The following DLGAP2 variants were observed in gnomAD, a reference collection of about 807,000 sequenced individuals.
DLGAP2 encodes DLG associated protein 2.
Under a neutral mutation model 100.3 loss-of-function variants are expected in DLGAP2, and 26 were observed. That is an observed-to-expected ratio of 0.26 (90% confidence interval 0.19 to 0.36). The LOEUF (loss-of-function observed/expected upper bound fraction) is 0.36. DLGAP2 is among the 10% of genes least tolerant of loss of function. The pLI, the probability that DLGAP2 is intolerant of heterozygous loss-of-function variation, is 1.00. For synonymous variants in DLGAP2, 886 were observed against 630.1 expected, an observed-to-expected ratio of 1.41 and a Z score of -6.08; for missense variants, 1,858 against 1,453.2, an observed-to-expected ratio of 1.28 and a Z score of -4.53.
chr8:1,662,759 A>C (rs1798437560), intron 8 of DLGAP2, among the ~76,000 whole-genome samples: 1 of 152,244 alleles, frequency 6.6e-6, no homozygotes, highest in Non-Finnish European at 1.5e-5. Context: ...AGTGCCTGGC[A>C]CATGTGTGAG....
chr8:1,115,603 G>T (rs571382617), intron 2 of DLGAP2, among the ~76,000 whole-genome samples: 1 of 152,146 alleles, frequency 6.6e-6, no homozygotes, highest in Non-Finnish European at 1.5e-5. Context: ...TACAGTGGTG[G>T]CATCTTTAGG....
In DLGAP2 at chr8:1,201,776, G is replaced by T. The variant is rs149231071; in HGVS notation, c.74-57075G>T. On this transcript the variant is annotated intron_variant, in intron 2 of 14. Coordinates refer to ENST00000637795, the MANE Select transcript of DLGAP2 (RefSeq NM_001346810.2). ...CTGTGCCCTCCCTCATCACCAGGCAGCATCCGCAGACACACAGCGGTGCCT... is the reference window on the plus strand; with the variant it reads ...CTGTGCCCTCCCTCATCACCAGGCATCATCCGCAGACACACAGCGGTGCCT... Among the ~76,000 whole-genome samples, 542 of 152,346 alleles carry T rather than the reference G, an allele frequency of 3.6e-3. 10 individuals carry two copies. Among genetic ancestry groups the T allele is most frequent in the South Asian group, 0.024 (117 of 4,826 alleles).
rs1308782929 is a variant in DLGAP2 at position 1,693,189 on chromosome 8, G to GTATA, written c.2796+1568_2796+1571dup. 2.0e-5 allele frequency among the ~76,000 whole-genome samples: 3 copies of GTATA among 146,748 alleles called. No individual in the cohort carries two copies. The South Asian group carries it at 6.3e-4, about 31-fold the overall frequency. ...CATATTTTATATATACAAATATATA[G>GTATA]TATATATAAAATATATAGTATGTGT... On this transcript the variant is annotated intron_variant, in intron 13 of 14. Transcript: ENST00000637795.
intron 8 of DLGAP2, among the ~76,000 whole-genome samples, chr8:1,657,349 C>T (rs1324165906): frequency 6.6e-6 from 1 of 152,186 alleles, no homozygotes; most frequent in Non-Finnish European, 1.5e-5. Context: ...GATAACACAG[C>T]CTATAGCTCA....
At chr8:1,122,238 T>A (rs1384080642) in intron 2 of DLGAP2, among the ~76,000 whole-genome samples, 1 of 152,228 alleles carries the variant, frequency 6.6e-6, no homozygotes, top group Non-Finnish European at 1.5e-5. Context: ...TGGGTGACCC[T>A]GTTTCTCCTC....
chr8:1,486,110 G>C (rs1380018137), intron 3 of DLGAP2, among the ~76,000 whole-genome samples: 6 of 152,186 alleles, frequency 3.9e-5, no homozygotes, highest in Non-Finnish European at 1.5e-5. Context: ...GCTCTGCCAA[G>C]ATGCTGCATG....
At chr8:1,599,817 C>T (rs1486113809) in intron 6 of DLGAP2, among the ~76,000 whole-genome samples, 3 of 152,138 alleles carry the variant, frequency 2.0e-5, no homozygotes, top group Non-Finnish European at 4.4e-5. Flanking sequence ...TGGGCCTTGA[C>T]TGTATCCAAT....
intron 2 of DLGAP2, among the ~76,000 whole-genome samples, chr8:1,133,330 A>G (rs1796337171): frequency 6.6e-6 from 1 of 152,194 alleles, no homozygotes; most frequent in African/African-American, 2.4e-5. Context: ...GAAGATTATG[A>G]TTAGAAAATC....
At chr8:1,498,851 A>C (rs1799623424) in intron 3 of DLGAP2, among the ~76,000 whole-genome samples, 1 of 152,212 alleles carries the variant, frequency 6.6e-6, no homozygotes, top group Admixed American at 6.5e-5. Flanking sequence ...TAGATAAGGA[A>C]GGATGGTACC....
intron 3 of DLGAP2, among the ~76,000 whole-genome samples, chr8:1,416,966 C>T (rs1454404308): frequency 6.6e-6 from 1 of 152,130 alleles, no homozygotes; most frequent in African/African-American, 2.4e-5. Context: ...CAGCTCAGTG[C>T]GGCTGTGGCA....
At chr8:1,694,985 G>T (rs1799345697) in intron 13 of DLGAP2, among the ~76,000 whole-genome samples, 1 of 152,312 alleles carries the variant, frequency 6.6e-6, no homozygotes, top group South Asian at 2.1e-4. Flanking sequence ...TGCCCGTCCG[G>T]CCCCAGCATG....
In DLGAP2 at chr8:977,943, C is replaced by T. The variant is rs1343844847; in HGVS notation, c.73+69977C>T. Among the ~76,000 whole-genome samples, 2 of 82,214 alleles carry T rather than the reference C, an allele frequency of 2.4e-5. 1 individual carries two copies. The highest frequency in any genetic ancestry group is 4.9e-5 in the Non-Finnish European group (2 of 40,514). The allele number at this position is 82,214 out of a possible 152,430, so 53.9% of individuals were successfully genotyped here. A position where few individuals can be genotyped will look rare whatever the true frequency, so the allele number is the denominator to read the frequency against. On this transcript the variant is annotated intron_variant, in intron 2 of 14. Transcript: ENST00000637795. ...GTCTTTGGTGACGTGGGGAGGGCGT[C>T]GGGGATGCAGTGAGGAGCTGGGTTC...
chr8:768,418 A>ATTTTTTT (rs58234397), intron 1 of DLGAP2, among the ~76,000 whole-genome samples: 3 of 99,960 alleles, frequency 3.0e-5, no homozygotes, highest in African/African-American at 8.0e-5. Flanking sequence ...GAAGGCGTTG[A>ATTTTTTT]TTTTTTTTTT....
chr8:1,007,470 C>T (rs1348578182), intron 2 of DLGAP2, among the ~76,000 whole-genome samples: 1 of 152,250 alleles, frequency 6.6e-6, no homozygotes, highest in Non-Finnish European at 1.5e-5. Context: ...AGCAAGTCAG[C>T]TGACTTACAT....
intron 2 of DLGAP2, among the ~76,000 whole-genome samples, chr8:1,255,878 A>T (rs531185358): frequency 1.5e-5 from 1 of 66,088 alleles, no homozygotes; most frequent in African/African-American, 8.8e-5. Context: ...GTGTCCTCTC[A>T]TCCTGCCTGG....
chr8:1,124,497 C>G (rs1388251844), intron 2 of DLGAP2, among the ~76,000 whole-genome samples: 1 of 152,160 alleles, frequency 6.6e-6, no homozygotes, highest in Non-Finnish European at 1.5e-5. Context: ...TCCTATGTTT[C>G]TATTTTTATT....
chr8:746,417 G>A (rs1297314193), intron 1 of DLGAP2, among the ~76,000 whole-genome samples: 1 of 152,226 alleles, frequency 6.6e-6, no homozygotes, highest in Non-Finnish European at 1.5e-5. Context: ...ATGGCGCATT[G>A]GATCCCGTGT....
chr8:915,534 A>G (rs1198512610), intron 2 of DLGAP2, among the ~76,000 whole-genome samples: 1 of 145,804 alleles, frequency 6.9e-6, no homozygotes, highest in East Asian at 2.0e-4. Context: ...GCGACAGAGC[A>G]AGACTCCATC....
chr8:1,668,185 CCT>C (rs1268792906), intron 8 of DLGAP2, 142 bp from the exon 9 acceptor site: 1 of 707,588 alleles, frequency 1.4e-6, no homozygotes, highest in African/African-American at 1.8e-5. Flanking sequence ...CTCACTGTCC[CCT>C]CATTTCACGC....
Sources: gnomAD v4.1 joint callset for allele counts (sites outside exome capture counted in the v4.1 genomes callset) on GRCh38, gnomAD v4.1.1 for gene constraint, MANE v1.5 for transcripts, NCBI Gene and HGNC (gene_info 2026-07-23, HGNC 2026-07-21) for gene names.